Variants in PLEKHA2 observed in about 807,000 individuals in gnomAD.
The protein encoded by PLEKHA2 is pleckstrin homology domain containing A2, also known as pleckstrin homology domain-containing family A member 2.
PLEKHA2 carries 28 observed loss-of-function variants against 53.2 expected under a neutral mutation model. The ratio of observed to expected loss-of-function variants is 0.53; its 90% CI spans 0.39 to 0.72. PLEKHA2 has a LOEUF of 0.72. Among genes scored for constraint, PLEKHA2 ranks in the 30% least tolerant of loss-of-function variants. The probability of loss-of-function intolerance (pLI) is 0.00; values close to 1 mark genes in which losing one functional copy is unlikely to be tolerated. For missense variants in PLEKHA2, 426 were observed against 537.9 expected (o/e 0.79, Z 2.06); for synonymous variants, 193 against 196.4 (o/e 0.98, Z 0.14).
At chr8:38,968,733 G>A in intron 11 of PLEKHA2, 64 bp downstream of exon 11, 1 of 1,564,592 alleles carries the variant, frequency 6.4e-7, no homozygotes, top group Non-Finnish European at 8.8e-7. Context: ...AAGCAGGCAT[G>A]TTTTATTTGG....
At chr8:38,950,259 C>T (rs1834803094) in intron 5 of PLEKHA2, among the ~76,000 whole-genome samples, 1 of 152,074 alleles carries the variant, frequency 6.6e-6, no homozygotes, top group Non-Finnish European at 1.5e-5. Context: ...GTCTTGAACT[C>T]CTGGGCTCAA....
intron 3 of PLEKHA2, among the ~76,000 whole-genome samples, chr8:38,943,507 A>G (rs2129420716): frequency 6.6e-6 from 1 of 152,140 alleles, no homozygotes; most frequent in Admixed American, 6.5e-5. Flanking sequence ...ATAAATAATA[A>G]ACATAAGTCT....
At chr8:38,960,358 C>T (rs912144709) in intron 10 of PLEKHA2, among the ~76,000 whole-genome samples, 7 of 152,224 alleles carry the variant, frequency 4.6e-5, no homozygotes, top group East Asian at 1.9e-4. Flanking sequence ...ATGCACCTGT[C>T]GTCCCAGCTA....
At chr8:38,934,028 T>G (rs1436806265) in intron 2 of PLEKHA2, among the ~76,000 whole-genome samples, 1 of 152,056 alleles carries the variant, frequency 6.6e-6, no homozygotes, top group Non-Finnish European at 1.5e-5. Context: ...TCCATTTTCT[T>G]GCTTGAATTT....
intron 1 of PLEKHA2, chr8:38,901,936 C>G (rs1292955659): frequency 1.3e-5 from 2 of 152,246 alleles, no homozygotes; most frequent in African/African-American, 2.4e-5. Flanking sequence ...ACTCCTCTTT[C>G]ACTCCCCCGA....
At position 38,930,365 on chromosome 8, in the gene PLEKHA2, C is replaced by T. The variant is rs547574710; in HGVS notation, c.142-5629C>T. On this transcript the variant is annotated intron_variant, in intron 2 of 11. Transcript: ENST00000617275. ...TACAGGCGCATGCCACTATGCCCGGCTAATTTTTTAATACTTTTAGTAGAG... is the reference window on the plus strand; with the variant it reads ...TACAGGCGCATGCCACTATGCCCGGTTAATTTTTTAATACTTTTAGTAGAG... Among the ~76,000 whole-genome samples the T allele has an allele frequency of 3.3e-5, 5 of 152,212 alleles. No individual in the cohort carries two copies. The South Asian group carries it at 1.0e-3, about 32-fold the overall frequency.
intron 4 of PLEKHA2, among the ~76,000 whole-genome samples, chr8:38,945,493 A>C (rs193173763): frequency 6.6e-6 from 1 of 152,240 alleles, no homozygotes; most frequent in Non-Finnish European, 1.5e-5. Flanking sequence ...TCATTCTTCT[A>C]TTTCTTGCAA....
intron 4 of PLEKHA2, among the ~76,000 whole-genome samples, chr8:38,945,803 G>A (rs971158810): frequency 8.5e-5 from 13 of 152,140 alleles, no homozygotes; most frequent in African/African-American, 2.9e-4. Flanking sequence ...GCCAGAATGC[G>A]GTTCACAGTT....
At chr8:38,908,270 A>T (rs1457307917) in intron 1 of PLEKHA2, among the ~76,000 whole-genome samples, 1 of 152,224 alleles carries the variant, frequency 6.6e-6, no homozygotes, top group Non-Finnish European at 1.5e-5. Context: ...CGCTCAGAGG[A>T]TGTTGCCATA....
chr8:38,935,823 T>G (rs1834484430), intron 2 of PLEKHA2, among the ~76,000 whole-genome samples, 171 bp from the exon 3 acceptor site: 1 of 152,220 alleles, frequency 6.6e-6, no homozygotes, highest in Admixed American at 6.5e-5. Flanking sequence ...TGAATCATTA[T>G]CCAGGAATTA....
chr8:38,918,474 C>CCATACACACAACCCATACACCA (rs1834107205), intron 2 of PLEKHA2, among the ~76,000 whole-genome samples: 1 of 32,390 alleles, frequency 3.1e-5, no homozygotes, highest in Non-Finnish European at 6.5e-5. Flanking sequence ...CATGCACACA[C>CCATACACACAACCCATACACCA]GACACACACC....
chr8:38,911,908 G>A (rs1459087065), intron 1 of PLEKHA2, among the ~76,000 whole-genome samples: 1 of 152,188 alleles, frequency 6.6e-6, no homozygotes, highest in Non-Finnish European at 1.5e-5. Context: ...CCCAGGAGTT[G>A]GAGGCTGCAG....
intron 9 of PLEKHA2, among the ~76,000 whole-genome samples, chr8:38,954,913 A>C (rs1834910384): frequency 6.6e-6 from 1 of 152,088 alleles, no homozygotes; most frequent in Non-Finnish European, 1.5e-5. Context: ...GGGTGCCTGT[A>C]ATCCCCGCTA....
At chr8:38,952,497 T>C (rs544239011) in intron 7 of PLEKHA2, 139 bp from the exon 8 acceptor site, 255 of 1,281,690 alleles carry the variant, frequency 2.0e-4, no homozygotes, top group Admixed American at 6.0e-4. Context: ...TTGCCCCTGA[T>C]ATGAAGAAGC....
chr8:38,910,400 G>A (rs1343471791), intron 1 of PLEKHA2, among the ~76,000 whole-genome samples: 2 of 152,090 alleles, frequency 1.3e-5, no homozygotes, highest in Non-Finnish European at 2.9e-5. Context: ...CAGAAAGAGA[G>A]GAATTCTGTA....
chr8:38,927,951 G>C (rs532040925), intron 2 of PLEKHA2, among the ~76,000 whole-genome samples: 18 of 152,000 alleles, frequency 1.2e-4, no homozygotes, highest in African/African-American at 4.4e-4. Flanking sequence ...ATGGAGAGTG[G>C]GGGGGCAGGT....
In PLEKHA2 at chr8:38,926,331, C is replaced by G. The variant is rs746342978; in HGVS notation, c.141+8261C>G. Among the ~76,000 whole-genome samples the G allele has an allele frequency of 7.6e-4, 115 of 150,512 alleles. 1 individual carries two copies. Among genetic ancestry groups the G allele is most frequent in the Admixed American group, 4.0e-3 (61 of 15,102 alleles). On this transcript the variant is annotated intron_variant, in intron 2 of 11. Transcript: ENST00000617275. The stretch of plus-strand genomic sequence containing the variant: ...GAAGATTATAAGTGACAAATCTGTA[C>G]TTTTACCAAATGCAAATTTTGCTAA...
Position 38,953,252 on chromosome 8 carries a change from GAC to G in PLEKHA2, c.703-41_703-40del, listed in dbSNP as rs748997586. The G allele has an allele frequency of 1.1e-5, 17 of 1,502,978 alleles. No homozygotes were observed. In the South Asian group the frequency reaches 1.9e-4, roughly 17 times the overall value. 93.1% of individuals were successfully genotyped at this position (1,502,978 alleles called of 1,614,324 possible). On this transcript the variant is annotated intron_variant, in intron 8 of 11. Coordinates refer to ENST00000617275, the MANE Select transcript of PLEKHA2 (RefSeq NM_021623.2). ...GGTCAGCTGGTCTGGGTCGTGATATGACACAGACAGCCTCACTTACCTGTCTT... is the reference window on the plus strand; with the variant it reads ...GGTCAGCTGGTCTGGGTCGTGATATGACAGACAGCCTCACTTACCTGTCTT...
chr8:38,967,370 C>T (rs1370832266), intron 10 of PLEKHA2, among the ~76,000 whole-genome samples: 1 of 152,190 alleles, frequency 6.6e-6, no homozygotes, highest in Non-Finnish European at 1.5e-5. Flanking sequence ...GAGACACCCA[C>T]TATTGGGATT....
Sources: allele counts gnomAD v4.1 joint callset (sites outside exome capture counted in the v4.1 genomes callset), GRCh38; gene constraint gnomAD v4.1.1; transcripts MANE v1.5; gene names NCBI Gene and HGNC (gene_info 2026-07-23, HGNC 2026-07-21).